The following ACTN1 variants were observed in gnomAD, a reference collection of about 807,000 sequenced individuals.
The protein encoded by ACTN1 is actinin alpha 1.
In ACTN1, 30 loss-of-function variants were observed where a neutral mutation model predicts 119.6. The observed-to-expected ratio is 0.25, with a 90% confidence interval of 0.19 to 0.34. ACTN1 has a LOEUF of 0.34. Among genes scored for constraint, ACTN1 ranks in the 10% least tolerant of loss-of-function variants. The probability of loss-of-function intolerance (pLI) is 1.00; values close to 1 mark genes in which losing one functional copy is unlikely to be tolerated. For synonymous variants in ACTN1, 429 were observed against 472.6 expected (o/e 0.91, Z 1.20); for missense variants, 764 against 1,223.4 (o/e 0.62, Z 5.60).
At position 68,882,839 on chromosome 14, in the gene ACTN1, C is replaced by G. The variant is rs1394436186; in HGVS notation, c.1818+34G>C. ...GACAAAAATCCCTGCCTTTATGAAA[C>G]TTACAATGGCTCGGCCCATGCCCTT... On this transcript the variant is annotated intron_variant, in intron 15 of 21. Coordinates refer to ENST00000394419, the MANE Select transcript of ACTN1 (RefSeq NM_001130004.2). The surrounding 1 kb of genome is among the most constrained non-coding windows in gnomAD (Gnocchi z 4.5). 6.3e-7 allele frequency: 1 copy of G among 1,598,856 alleles called. No homozygotes were observed. The highest frequency in any genetic ancestry group is 2.2e-5 in the East Asian group (1 of 44,516).
intron 1 of ACTN1, among the ~76,000 whole-genome samples, chr14:68,952,600 A>AC (rs1026014369): frequency 6.2e-5 from 7 of 113,482 alleles, no homozygotes; most frequent in Admixed American, 4.9e-4. Flanking sequence ...CATCCCGCCC[A>AC]CCCCCCATCC....
intron 1 of ACTN1, among the ~76,000 whole-genome samples, chr14:68,934,019 C>CCT (rs952163930): frequency 1.3e-5 from 2 of 152,034 alleles, no homozygotes; most frequent in African/African-American, 4.8e-5. Flanking sequence ...ATGTAGACTC[C>CCT]CTCAGTTTTG....
At chr14:68,875,533 C>T (rs2073307) in intron 21 of ACTN1, among the ~76,000 whole-genome samples, 81,842 of 152,212 alleles carry the variant, frequency 0.54, 22,287 homozygotes, top group Admixed American at 0.62. Flanking sequence ...TGCAGAAATG[C>T]GGGCCTTGCC....
chr14:68,890,091 T>C (rs910426505), intron 11 of ACTN1, 48 bp downstream of exon 11: 4 of 1,596,662 alleles, frequency 2.5e-6, no homozygotes, highest in Non-Finnish European at 3.4e-6. Context: ...GGCTGAAGAG[T>C]AGGGAAGTGA....
intron 2 of ACTN1, among the ~76,000 whole-genome samples, chr14:68,922,361 G>A (rs1342647298): frequency 6.6e-6 from 1 of 152,242 alleles, no homozygotes; most frequent in South Asian, 2.1e-4. Context: ...TCAGCTCCCA[G>A]GGAAGCACAG....
chr14:68,943,629 G>T (rs75750314), intron 1 of ACTN1, among the ~76,000 whole-genome samples: 1 of 152,186 alleles, frequency 6.6e-6, no homozygotes, highest in Non-Finnish European at 1.5e-5. Flanking sequence ...CCAAGGGGAG[G>T]TGAGGGAAGG....
intron 7 of ACTN1, 33 bp downstream of exon 7, chr14:68,904,621 TG>T: frequency 6.2e-7 from 1 of 1,600,856 alleles, no homozygotes; most frequent in Non-Finnish European, 8.6e-7. Context: ...AGGTGGGCGA[TG>T]GGCAAGAGAC....
At position 68,874,731 on chromosome 14, in the gene ACTN1, G is replaced by T; in HGVS notation, c.*128C>A. The T allele has an allele frequency of 1.1e-6, 1 of 918,664 alleles. No individual in the cohort carries two copies. The highest frequency in any genetic ancestry group is 1.5e-6 in the Non-Finnish European group (1 of 667,894). The allele number at this position is 918,664 out of a possible 1,614,324, so 56.9% of individuals were successfully genotyped here. Reference sequence around the variant, plus strand: ...CACTTCGCGGGCAGGGAGGATCGATGCCACGTGGGCCCCAGCTCACCCGGG... The same window carrying T: ...CACTTCGCGGGCAGGGAGGATCGATTCCACGTGGGCCCCAGCTCACCCGGG... On this transcript the variant is annotated 3_prime_UTR_variant, in exon 22 of 22. Coordinates refer to ENST00000394419, the MANE Select transcript of ACTN1 (RefSeq NM_001130004.2).
intron 3 of ACTN1, among the ~76,000 whole-genome samples, chr14:68,916,334 C>T (rs1368748081): frequency 6.6e-6 from 1 of 152,194 alleles, no homozygotes; most frequent in Non-Finnish European, 1.5e-5. Context: ...TCTTGGAGTC[C>T]TCCCGGAGGG....
chr14:68,945,289 T>C (rs1202947985), intron 1 of ACTN1, among the ~76,000 whole-genome samples: 3 of 146,124 alleles, frequency 2.1e-5, no homozygotes, highest in Non-Finnish European at 4.5e-5. Flanking sequence ...AAAGTCACAG[T>C]GCAGGAGGGA....
intron 1 of ACTN1, among the ~76,000 whole-genome samples, chr14:68,935,681 C>T (rs190536745): frequency 9.2e-5 from 14 of 152,170 alleles, no homozygotes; most frequent in African/African-American, 2.9e-4. Flanking sequence ...CCACCACACC[C>T]GGCTAGAGCG....
intron 8 of ACTN1, 24 bp from the exon 9 acceptor site, chr14:68,893,771 A>T (rs1220627164): frequency 6.2e-7 from 1 of 1,611,672 alleles, no homozygotes; most frequent in African/African-American, 1.3e-5. Flanking sequence ...AGAGAGAGTC[A>T]CGACCAGCCA....
At chr14:68,963,713 T>G (rs911803756) in intron 1 of ACTN1, among the ~76,000 whole-genome samples, 4 of 152,276 alleles carry the variant, frequency 2.6e-5, no homozygotes, top group Non-Finnish European at 4.4e-5. Context: ...TTATTCATAC[T>G]ATGATATCAT....
chr14:68,923,345 G>T (rs75870304), intron 2 of ACTN1, among the ~76,000 whole-genome samples: 13 of 152,158 alleles, frequency 8.5e-5, no homozygotes, highest in Non-Finnish European at 1.3e-4. Flanking sequence ...GGGCAGGTAG[G>T]GGGGTGGTGC....
chr14:68,890,349 C>G lies in ACTN1; in HGVS notation c.1087-63G>C. The G allele has an allele frequency of 3.8e-6, 6 of 1,576,386 alleles. 1 individual carries two copies. The highest frequency in any genetic ancestry group is 5.2e-6 in the Non-Finnish European group (6 of 1,157,428). ...GGGCCTAGGCTTCAGGTCCCCTAGC[C>G]CCCTAGACCCCTGAAGGTGCCCCAT... is the stretch of plus-strand genomic sequence containing the variant. On this transcript the variant is annotated intron_variant, in intron 10 of 21. Transcript: ENST00000394419.
intron 1 of ACTN1, among the ~76,000 whole-genome samples, chr14:68,948,451 G>A (rs897830541): frequency 3.3e-5 from 5 of 152,086 alleles, no homozygotes; most frequent in Admixed American, 6.5e-5. Context: ...GGTGGCGAGC[G>A]CCTGTAATCC....
chr14:68,914,723 A>G (rs530215676), intron 3 of ACTN1, among the ~76,000 whole-genome samples: 2 of 152,264 alleles, frequency 1.3e-5, no homozygotes, highest in African/African-American at 2.4e-5. Flanking sequence ...GAGCTGTGTG[A>G]TATCACCGCT....
intron 1 of ACTN1, among the ~76,000 whole-genome samples, chr14:68,957,557 C>G (rs1178249458): frequency 6.6e-6 from 1 of 152,256 alleles, no homozygotes; most frequent in East Asian, 1.9e-4. Context: ...GCCTCGCTCT[C>G]TATTTGAGGT....
At chr14:68,934,601 A>C in intron 1 of ACTN1, among the ~76,000 whole-genome samples, 1 of 152,230 alleles carries the variant, frequency 6.6e-6, no homozygotes, top group Non-Finnish European at 1.5e-5. Context: ...CTGGGCCACC[A>C]TCCTGAATAA....
Sources: allele counts gnomAD v4.1 joint callset (sites outside exome capture counted in the v4.1 genomes callset), GRCh38; gene constraint gnomAD v4.1.1; non-coding constraint Gnocchi (gnomAD v3.1); transcripts MANE v1.5; gene names NCBI Gene and HGNC (gene_info 2026-07-23, HGNC 2026-07-21).